Variants in GRAMD1C observed in about 807,000 individuals in gnomAD.
GRAMD1C encodes the protein protein Aster-C.
GRAMD1C carries 89 observed loss-of-function variants against 97.8 expected under a neutral mutation model. That is an observed-to-expected ratio of 0.91 (90% CI 0.77 to 1.09). The LOEUF is 1.09. Ranked by LOEUF, GRAMD1C falls within the 50% of genes least tolerant of loss-of-function variation. GRAMD1C has a pLI of 0.00. For synonymous variants in GRAMD1C, 256 were observed against 267.0 expected, an observed-to-expected ratio of 0.96 and a Z score of 0.40; for missense variants, 740 against 766.4, an observed-to-expected ratio of 0.97 and a Z score of 0.41.
chr3:113,849,686 A>C (rs112617609), intron 2 of GRAMD1C, among the ~76,000 whole-genome samples: 2,835 of 152,282 alleles, frequency 0.019, 103 homozygotes, highest in African/African-American at 0.065. Context: ...TCTCCCATGT[A>C]TACTTCTTTC....
intron 6 of GRAMD1C, among the ~76,000 whole-genome samples, chr3:113,895,143 C>T (rs955920457): frequency 2.0e-5 from 3 of 152,074 alleles, no homozygotes; most frequent in Admixed American, 6.6e-5. Flanking sequence ...ATCATCATGC[C>T]CCACCAAGGT....
In GRAMD1C at chr3:113,936,185, A is replaced by C. The variant is rs114219447; in HGVS notation, c.1457-81A>C. The C allele has an allele frequency of 1.7e-3, 1,345 of 781,610 alleles. 15 individuals are homozygous for C. In the African/African-American group the frequency reaches 0.021, roughly 12 times the overall value. The allele number at this position is 781,610 out of a possible 1,614,324, so 48.4% of individuals were successfully genotyped here. A position where few individuals can be genotyped will look rare whatever the true frequency, so the allele number is the denominator to read the frequency against. ...AAGGAATTTGTTAAAGAAAATTATC[A>C]AAAATAACCACCAAAACCCATTGTA... On this transcript the variant is annotated intron_variant, in intron 13 of 17. Transcript: ENST00000358160.
intron 2 of GRAMD1C, among the ~76,000 whole-genome samples, chr3:113,851,658 A>G (rs1240035135): frequency 6.6e-6 from 1 of 150,886 alleles, no homozygotes; most frequent in Non-Finnish European, 1.5e-5. Flanking sequence ...AGCTGGGACT[A>G]CAGGTGCACG....
intron 2 of GRAMD1C, among the ~76,000 whole-genome samples, chr3:113,858,301 C>T (rs1350922189): frequency 6.6e-6 from 1 of 151,720 alleles, no homozygotes; most frequent in Admixed American, 6.6e-5. Context: ...GGTGCGATCT[C>T]AGCTCACTGC....
chr3:113,930,866 T>C (rs1937392686), intron 11 of GRAMD1C, 34 bp downstream of exon 11: 3 of 1,090,336 alleles, frequency 2.8e-6, no homozygotes, highest in African/African-American at 1.6e-5. Flanking sequence ...AGAAGAGTCA[T>C]GTGTGGGGGA....
chr3:113,848,153 T>C (rs1933697345), intron 2 of GRAMD1C, among the ~76,000 whole-genome samples: 3 of 152,242 alleles, frequency 2.0e-5, no homozygotes, highest in South Asian at 2.1e-4. Flanking sequence ...ATTGAACACA[T>C]TGGAGACTGC....
chr3:113,938,367 C>A, intron 15 of GRAMD1C: 1 of 363,010 alleles, frequency 2.8e-6, no homozygotes, highest in Non-Finnish European at 4.9e-6. Flanking sequence ...ACTCATTCAA[C>A]AGATGTTTTT....
rs565934021 is a variant in GRAMD1C at position 113,929,647 on chromosome 3, A to G, written c.1091-1067A>G. On this transcript the variant is annotated intron_variant, in intron 10 of 17. Coordinates refer to ENST00000358160, the MANE Select transcript of GRAMD1C (RefSeq NM_017577.5). The stretch of plus-strand genomic sequence containing the variant: ...ATTAGTTGTATATCTTCTTTTATAT[A>G]TACCTAAATAAATCATTTTACAGAA... Among the ~76,000 whole-genome samples, 30 of 152,324 alleles carry G rather than the reference A, an allele frequency of 2.0e-4. 1 individual carries two copies. In the South Asian group the frequency reaches 6.2e-3, roughly 32 times the overall value.
chr3:113,878,674 AC>A (rs1224959568), intron 5 of GRAMD1C, among the ~76,000 whole-genome samples: 1 of 151,942 alleles, frequency 6.6e-6, no homozygotes, highest in Non-Finnish European at 1.5e-5. Context: ...CCCATCTAAC[AC>A]CACAGAGTTT....
intron 2 of GRAMD1C, among the ~76,000 whole-genome samples, chr3:113,856,401 A>C (rs1310361545): frequency 1.3e-5 from 2 of 152,206 alleles, no homozygotes; most frequent in African/African-American, 4.8e-5. Flanking sequence ...GATAGAATCA[A>C]GATCGTTTTC....
chr3:113,887,086 T>TTG (rs1935526388), intron 6 of GRAMD1C, among the ~76,000 whole-genome samples: 1 of 61,360 alleles, frequency 1.6e-5, no homozygotes. Context: ...GGCCTTTTTG[T>TTG]TTTTTTTTTG....
At chr3:113,862,282 C>G (rs1356593022) in intron 2 of GRAMD1C, among the ~76,000 whole-genome samples, 2 of 152,172 alleles carry the variant, frequency 1.3e-5, no homozygotes, top group East Asian at 1.9e-4. Flanking sequence ...TATTTCATCC[C>G]TACAGCTGTG....
chr3:113,846,298 G>A (rs1933610836), intron 2 of GRAMD1C, among the ~76,000 whole-genome samples: 1 of 152,008 alleles, frequency 6.6e-6, no homozygotes, highest in Non-Finnish European at 1.5e-5. Flanking sequence ...TAGAGACGGG[G>A]TTTCATCATG....
chr3:113,940,467 A>G, intron 17 of GRAMD1C, 122 bp downstream of exon 17: 2 of 600,198 alleles, frequency 3.3e-6, no homozygotes, highest in Admixed American at 3.0e-5. Flanking sequence ...GCTAGAGCCA[A>G]CTACCCCTGC....
intron 10 of GRAMD1C, among the ~76,000 whole-genome samples, chr3:113,919,009 G>A (rs1203452340): frequency 1.3e-5 from 2 of 152,260 alleles, no homozygotes; most frequent in Non-Finnish European, 2.9e-5. Flanking sequence ...TCTTGAGATC[G>A]AGTTTCAAAG....
At chr3:113,854,631 C>T (rs1397366555) in intron 2 of GRAMD1C, among the ~76,000 whole-genome samples, 1 of 152,116 alleles carries the variant, frequency 6.6e-6, no homozygotes, top group Non-Finnish European at 1.5e-5. Flanking sequence ...TTGTCCTAAT[C>T]TTCCTTTGTA....
At chr3:113,875,643 A>T in intron 4 of GRAMD1C, 56 bp downstream of exon 4, 1 of 788,872 alleles carries the variant, frequency 1.3e-6, no homozygotes, top group Non-Finnish European at 2.2e-6. Flanking sequence ...AGATATATAC[A>T]GTTCTTCCAA....
intron 11 of GRAMD1C, among the ~76,000 whole-genome samples, chr3:113,931,634 A>T (rs1937430707): frequency 6.6e-6 from 1 of 152,002 alleles, no homozygotes; most frequent in African/African-American, 2.4e-5. Flanking sequence ...ATATTTTTTT[A>T]AAAAGAATAC....
intron 6 of GRAMD1C, chr3:113,885,161 G>A: frequency 3.3e-6 from 2 of 608,110 alleles, no homozygotes; most frequent in East Asian, 2.8e-5. Context: ...TGAGCCGCCC[G>A]CTCCGTGCCC....
Sources: gnomAD v4.1 joint callset for allele counts (sites outside exome capture counted in the v4.1 genomes callset) on GRCh38, gnomAD v4.1.1 for gene constraint, MANE v1.5 for transcripts, NCBI Gene and HGNC (gene_info 2026-07-23, HGNC 2026-07-21) for gene names.